Variants in ZDHHC5 observed in about 807,000 individuals in gnomAD.
The protein encoded by ZDHHC5 is zDHHC palmitoyltransferase 5, also known as palmitoyltransferase ZDHHC5.
A neutral mutation model predicts 70.0 loss-of-function variants in ZDHHC5; 22 were observed. That is an observed-to-expected ratio of 0.31 (90% CI 0.22 to 0.45). ZDHHC5 has a LOEUF of 0.45. Among genes scored for constraint, ZDHHC5 ranks in the 20% least tolerant of loss-of-function variants. The pLI is 1.00. For synonymous variants in ZDHHC5, 313 were observed against 347.8 expected (o/e 0.90, Z 1.11); for missense variants, 746 against 926.9 (o/e 0.80, Z 2.53).
intron 2 of ZDHHC5, among the ~76,000 whole-genome samples, chr11:57,681,270 G>A (rs1164517575): frequency 6.6e-6 from 1 of 152,084 alleles, no homozygotes; most frequent in Non-Finnish European, 1.5e-5. Context: ...AGACTGCTGT[G>A]GTTTAATTCT....
At chr11:57,668,309 C>T (rs564448097) in intron 1 of ZDHHC5, 122 bp downstream of exon 1, 6 of 251,082 alleles carry the variant, frequency 2.4e-5, no homozygotes, top group Non-Finnish European at 3.8e-5. Context: ...CCCTATTTCT[C>T]CTCCGGGCCG....
chr11:57,668,286 G>C (rs1945950873), intron 1 of ZDHHC5, 99 bp downstream of exon 1: 1 of 309,074 alleles, frequency 3.2e-6, no homozygotes, highest in Non-Finnish European at 5.9e-6. Flanking sequence ...CGAAGACGGG[G>C]AGGGTATTAA....
chr11:57,674,138 G>A (rs955810480), intron 2 of ZDHHC5, among the ~76,000 whole-genome samples: 1 of 152,122 alleles, frequency 6.6e-6, no homozygotes, highest in Non-Finnish European at 1.5e-5. Context: ...GTTAGTTTCT[G>A]CCGAGGGAAT....
In ZDHHC5 at chr11:57,700,193, G is replaced by C; in HGVS notation, c.*162G>C. On this transcript the variant is annotated 3_prime_UTR_variant, in exon 12 of 12. Coordinates refer to ENST00000287169, the MANE Select transcript of ZDHHC5 (RefSeq NM_015457.3). ...GTTTTCTAAAATGCAGTAGGCTTGG[G>C]GAGTCGGAGAGTTGGGGCCCTGAGA... is the stretch of plus-strand genomic sequence containing the variant. 1.0e-6 allele frequency: 1 copy of C among 958,490 alleles called. No individual in the cohort carries two copies. Among genetic ancestry groups the C allele is most frequent in the Non-Finnish European group, 1.5e-6 (1 of 686,402 alleles). The allele number at this position is 958,490 out of a possible 1,614,324, so 59.4% of individuals were successfully genotyped here. A position where few individuals can be genotyped will look rare whatever the true frequency, so the allele number is the denominator to read the frequency against.
rs1011570501 is a variant in ZDHHC5 at position 57,699,883 on chromosome 11, A to C, written c.2000A>C (p.Lys667Thr). The change falls in exon 12 of 12, where the codon AAG becomes ACG. Residue 667 changes from lysine (K) to threonine (T), a missense_variant. By Grantham distance (78) the Lys-to-Thr change is moderately conservative. Around this residue, in one of 6 missense-constraint regions of ZDHHC5, gnomAD observed 340 missense variants for 350.1 expected, o/e 0.97. Coordinates refer to ENST00000287169, the MANE Select transcript of ZDHHC5 (RefSeq NM_015457.3). ...LLTPKDEVQL[K>T]TTYSKSNGQP... ...CTTTCCAGAGATGAAGTACAGCTGA[A>C]GACCACCTACAGCAAATCCAACGGG... 1.2e-6 allele frequency: 2 copies of C among 1,614,140 alleles called. No individual in the cohort carries two copies. The highest frequency in any genetic ancestry group is 2.7e-5 in the African/African-American group (2 of 74,940).
Position 57,699,893 on chromosome 11 carries a change from C to T in ZDHHC5, c.2010C>T (p.Tyr670=), listed in dbSNP as rs1298669736. ...ATGAAGTACAGCTGAAGACCACCTA[C>T]AGCAAATCCAACGGGCAGCCCAAGA... is the stretch of plus-strand genomic sequence containing the variant. ...PKDEVQLKTT[Y]SKSNGQPKSL... The change falls in exon 12 of 12, where the codon TAC becomes TAT. Residue 670 remains tyrosine (Y), a synonymous_variant. Coordinates refer to ENST00000287169, the MANE Select transcript of ZDHHC5 (RefSeq NM_015457.3). 1 of 1,614,280 alleles carries T rather than the reference C, an allele frequency of 6.2e-7. No individual in the cohort carries two copies. Among genetic ancestry groups the T allele is most frequent in the South Asian group, 1.1e-5 (1 of 91,092 alleles).
At chr11:57,698,524 G>A (rs1946386290) in intron 10 of ZDHHC5, 35 bp from the exon 11 acceptor site, 1 of 1,545,122 alleles carries the variant, frequency 6.5e-7, no homozygotes, top group Non-Finnish European at 8.7e-7. Context: ...TGTCACAAAA[G>A]GAGCACTAAG....
At position 57,688,548 on chromosome 11, in the gene ZDHHC5, C is replaced by T; in HGVS notation, c.267C>T (p.Pro89=). Residue 89 remains proline, a synonymous_variant, in exon 4 of 12, where the codon CCC becomes CCT. Coordinates refer to ENST00000287169, the MANE Select transcript of ZDHHC5 (RefSeq NM_015457.3). The part of the protein sequence containing the change: ...DEDKEDDFRA[P]LYKTVEIKGI... ...ACAAGGAAGATGATTTCCGAGCTCC[C>T]CTTTACAAAACAGTGGAGATAAAGG... The T allele has an allele frequency of 6.2e-7, 1 of 1,604,572 alleles. No individual in the cohort carries two copies. Among genetic ancestry groups the T allele is most frequent in the Non-Finnish European group, 8.5e-7 (1 of 1,175,534 alleles).
At chr11:57,693,331 A>G (rs1054076749) in intron 7 of ZDHHC5, among the ~76,000 whole-genome samples, 1 of 152,068 alleles carries the variant, frequency 6.6e-6, no homozygotes, top group African/African-American at 2.4e-5. Context: ...TCCTAAGAGA[A>G]TCTAATGCCT....
chr11:57,677,355 C>T (rs1348897265), intron 2 of ZDHHC5, among the ~76,000 whole-genome samples: 2 of 138,922 alleles, frequency 1.4e-5, no homozygotes, highest in Non-Finnish European at 3.0e-5. Context: ...GGTGTGATCT[C>T]GGCTCACTGC....
Position 57,687,444 on chromosome 11 carries a change from G to A in ZDHHC5, c.227-1064G>A, listed in dbSNP as rs116978379. On this transcript the variant is annotated intron_variant, in intron 3 of 11. Transcript: ENST00000287169. ...AAAATTAGCTGCCGAAGTGGCGTGC[G>A]CCTGTAATCCCAGCTGTTTGGGAGG... Among the ~76,000 whole-genome samples, 385 of 152,020 alleles carry A rather than the reference G, an allele frequency of 2.5e-3. 1 individual carries two copies. The highest frequency in any genetic ancestry group is 3.4e-3 in the Middle Eastern group (1 of 294).
intron 1 of ZDHHC5, among the ~76,000 whole-genome samples, chr11:57,669,184 T>G (rs1945968264): frequency 6.6e-6 from 1 of 152,230 alleles, no homozygotes; most frequent in African/African-American, 2.4e-5. Context: ...ACATTAAACT[T>G]CTTGGCTCTT....
At chr11:57,680,370 C>T (rs1450265619) in intron 2 of ZDHHC5, among the ~76,000 whole-genome samples, 3 of 152,178 alleles carry the variant, frequency 2.0e-5, no homozygotes, top group Non-Finnish European at 2.9e-5. Flanking sequence ...GAGCGAGACC[C>T]TGTCTCAAAA....
At chr11:57,684,061 C>A (rs1452250497) in intron 3 of ZDHHC5, among the ~76,000 whole-genome samples, 5 of 135,844 alleles carry the variant, frequency 3.7e-5, no homozygotes, top group South Asian at 5.0e-4. Flanking sequence ...AGCCTTGACC[C>A]CCCCCTGGCT....
intron 3 of ZDHHC5, among the ~76,000 whole-genome samples, chr11:57,685,246 T>C (rs577641433): frequency 6.6e-6 from 1 of 152,362 alleles, no homozygotes; most frequent in East Asian, 1.9e-4. Context: ...AAAAGAACTT[T>C]GTGTCCCTAA....
At chr11:57,687,760 T>C (rs1946226222) in intron 3 of ZDHHC5, among the ~76,000 whole-genome samples, 1 of 112,936 alleles carries the variant, frequency 8.9e-6, no homozygotes, top group African/African-American at 3.3e-5. Flanking sequence ...GGGAAAGTTT[T>C]TTTTTTTTTT....
intron 8 of ZDHHC5, among the ~76,000 whole-genome samples, chr11:57,695,061 G>A (rs553933904): frequency 1.4e-4 from 21 of 152,116 alleles, no homozygotes; most frequent in African/African-American, 5.1e-4. Context: ...TTGGGAGCTC[G>A]AGACCAGCCT....
chr11:57,693,471 C>A (rs1470198340), intron 7 of ZDHHC5, among the ~76,000 whole-genome samples: 4 of 152,078 alleles, frequency 2.6e-5, no homozygotes, highest in African/African-American at 9.7e-5. Context: ...GTTGGGGACC[C>A]CTGCTTTAGT....
At position 57,693,763 on chromosome 11, in the gene ZDHHC5, C is replaced by G. The variant is rs748755583; in HGVS notation, c.753-20C>G. On this transcript the variant is annotated intron_variant, in intron 7 of 11. Transcript: ENST00000287169. Reference sequence around the variant, plus strand: ...AAGCTCTCTCGCTGTGTCTCTCTCTCTCTCTCTCTCGACACTTAGGTATTT... The same window carrying G: ...AAGCTCTCTCGCTGTGTCTCTCTCTGTCTCTCTCTCGACACTTAGGTATTT... 5.2e-6 allele frequency: 8 copies of G among 1,543,826 alleles called. No individual in the cohort carries two copies. In the South Asian group the frequency reaches 9.8e-5, roughly 19 times the overall value.
Sources: gnomAD v4.1 joint callset for allele counts (sites outside exome capture counted in the v4.1 genomes callset) on GRCh38, gnomAD v4.1.1 for gene constraint, gnomAD v4.1.1 regional missense constraint, MANE v1.5 for transcripts, NCBI Gene and HGNC (gene_info 2026-07-23, HGNC 2026-07-21) for gene names.